Variants in TXNDC16 observed in about 807,000 individuals in gnomAD.
TXNDC16 encodes thioredoxin domain containing 16, also known as thioredoxin domain-containing protein 16.
In TXNDC16, 74 loss-of-function variants were observed where a neutral mutation model predicts 85.6. The observed-to-expected ratio is 0.86, with a 90% CI of 0.72 to 1.05. The LOEUF is 1.05. Ranked by LOEUF, TXNDC16 falls within the 50% of genes least tolerant of loss-of-function variation. The pLI is 0.00. For synonymous variants in TXNDC16, 335 were observed against 326.5 expected, an observed-to-expected ratio of 1.03 and a Z score of -0.28; for missense variants, 959 against 947.0, an observed-to-expected ratio of 1.01 and a Z score of -0.17.
At chr14:52,499,811 T>C (rs963597207) in intron 9 of TXNDC16, among the ~76,000 whole-genome samples, 18 of 152,106 alleles carry the variant, frequency 1.2e-4, no homozygotes, top group African/African-American at 3.9e-4. Flanking sequence ...AAGTTCTTTA[T>C]ATAAAAGTCA....
chr14:52,462,941 T>A, intron 16 of TXNDC16: 1 of 455,990 alleles, frequency 2.2e-6, no homozygotes, highest in Non-Finnish European at 4.4e-6. Context: ...TCAGATTTCC[T>A]CACAACTTAG....
At chr14:52,533,957 A>T (rs775405270) in intron 6 of TXNDC16, among the ~76,000 whole-genome samples, 5 of 152,128 alleles carry the variant, frequency 3.3e-5, no homozygotes, top group African/African-American at 4.8e-5. Flanking sequence ...GGATTAGGAG[A>T]GGAATAGGCC....
intron 9 of TXNDC16, among the ~76,000 whole-genome samples, chr14:52,502,433 C>A (rs998438290): frequency 6.6e-6 from 1 of 152,200 alleles, no homozygotes; most frequent in Non-Finnish European, 1.5e-5. Context: ...TTTTATAAAA[C>A]GTGTATTTCA....
chr14:52,486,054 A>T (rs1313656973), intron 12 of TXNDC16, among the ~76,000 whole-genome samples: 2 of 152,130 alleles, frequency 1.3e-5, no homozygotes, highest in East Asian at 3.9e-4. Flanking sequence ...TAAAAATTAC[A>T]TTCTCAATAC....
chr14:52,537,590 A>G lies in TXNDC16; in HGVS notation c.317+9T>C. On this transcript the variant is annotated intron_variant, in intron 5 of 20. Transcript: ENST00000281741. Reference sequence around the variant, plus strand: ...GTATTTGTCCAGCACACTCAGGAAAATAGCTTACTTGAATAAATATGCTTT... The same window carrying G: ...GTATTTGTCCAGCACACTCAGGAAAGTAGCTTACTTGAATAAATATGCTTT... 1 of 1,562,464 alleles carries G rather than the reference A, an allele frequency of 6.4e-7. No individual in the cohort carries two copies.
chr14:52,497,597 G>A (rs1451112696), intron 9 of TXNDC16, among the ~76,000 whole-genome samples: 4 of 152,110 alleles, frequency 2.6e-5, no homozygotes, highest in African/African-American at 9.7e-5. Flanking sequence ...CTACCAAACT[G>A]GGCTGGGAGC....
chr14:52,464,616 T>G (rs1041543580), intron 16 of TXNDC16, among the ~76,000 whole-genome samples: 1 of 151,378 alleles, frequency 6.6e-6, no homozygotes, highest in Admixed American at 6.6e-5. Context: ...TCATAAAAAT[T>G]TTTTTTTTCA....
Position 52,488,344 on chromosome 14 carries a change from G to A in TXNDC16, c.1108+19C>T. On this transcript the variant is annotated intron_variant, in intron 12 of 20. Coordinates refer to ENST00000281741, the MANE Select transcript of TXNDC16 (RefSeq NM_020784.3). ...GTGCTGGGCAGGATGGGGAAGGGGT[G>A]AGAATCATAACACATTACCTATATC... The A allele has an allele frequency of 6.2e-7, 1 of 1,611,008 alleles. No homozygotes were observed. The highest frequency in any genetic ancestry group is 8.5e-7 in the Non-Finnish European group (1 of 1,178,482).
At chr14:52,487,749 T>C (rs942336005) in intron 12 of TXNDC16, among the ~76,000 whole-genome samples, 3 of 152,178 alleles carry the variant, frequency 2.0e-5, no homozygotes, top group Admixed American at 6.5e-5. Flanking sequence ...ATCACTGAAC[T>C]CAGGAAATGC....
chr14:52,502,565 T>C (rs2140169770), intron 9 of TXNDC16, among the ~76,000 whole-genome samples: 1 of 152,332 alleles, frequency 6.6e-6, no homozygotes, highest in African/African-American at 2.4e-5. Flanking sequence ...CTTTGGTTTT[T>C]TAATTTCAAA....
At chr14:52,523,764 TTAC>T (rs1297083329) in intron 6 of TXNDC16, among the ~76,000 whole-genome samples, 3 of 152,190 alleles carry the variant, frequency 2.0e-5, no homozygotes, top group Admixed American at 6.5e-5. Flanking sequence ...TATAAAATTC[TTAC>T]TACTAGAAAT....
At chr14:52,524,938 T>C (rs2037293382) in intron 6 of TXNDC16, among the ~76,000 whole-genome samples, 1 of 151,740 alleles carries the variant, frequency 6.6e-6, no homozygotes, top group African/African-American at 2.4e-5. Context: ...CTGGCCAACA[T>C]GGTAAAACCC....
At chr14:52,432,844 GA>G (rs993456531) in intron 20 of TXNDC16, among the ~76,000 whole-genome samples, 1 of 151,924 alleles carries the variant, frequency 6.6e-6, no homozygotes, top group African/African-American at 2.4e-5. Flanking sequence ...ATGAATAGGG[GA>G]AAAAAGGTCC....
chr14:52,440,827 G>T, intron 18 of TXNDC16, 103 bp from the exon 19 acceptor site: 1 of 1,086,280 alleles, frequency 9.2e-7, no homozygotes, highest in African/African-American at 1.6e-5. Flanking sequence ...TTTGTAAAAT[G>T]TAATTCAAAC....
intron 18 of TXNDC16, 86 bp downstream of exon 18, chr14:52,455,238 A>C: frequency 6.6e-7 from 1 of 1,522,920 alleles, no homozygotes; most frequent in South Asian, 1.3e-5. Context: ...ACCAGCAAAA[A>C]ATGGAAAAAT....
At chr14:52,504,295 A>G (rs184784772) in intron 9 of TXNDC16, among the ~76,000 whole-genome samples, 15 of 152,350 alleles carry the variant, frequency 9.8e-5, no homozygotes, top group African/African-American at 3.1e-4. Context: ...GAAATGAAGG[A>G]AAAAATGTTA....
rs2034909260 is a variant in TXNDC16 at position 52,432,027 on chromosome 14, A to G, written c.*277T>C. ...ATGTACTGCATTTAGAAGACTTGGT[A>G]CAAAAAAGGATGTAAAATATCTCAT... On this transcript the variant is annotated 3_prime_UTR_variant, in exon 21 of 21. Transcript: ENST00000281741. 3.6e-6 allele frequency: 1 copy of G among 274,780 alleles called. No homozygotes were observed. The allele number at this position is 274,780 out of a possible 1,614,324, so 17.0% of individuals were successfully genotyped here. A position where few individuals can be genotyped will look rare whatever the true frequency, so the allele number is the denominator to read the frequency against.
chr14:52,523,408 T>C (rs186539955), intron 6 of TXNDC16, among the ~76,000 whole-genome samples: 2 of 152,304 alleles, frequency 1.3e-5, no homozygotes, highest in Admixed American at 1.3e-4. Flanking sequence ...CAATCTTTTC[T>C]GAGATACAGA....
chr14:52,483,757 C>A (rs2036202505), intron 12 of TXNDC16, among the ~76,000 whole-genome samples: 1 of 152,150 alleles, frequency 6.6e-6, no homozygotes, highest in Non-Finnish European at 1.5e-5. Context: ...ATAGATTCAT[C>A]CATCCATCCA....
Sources: allele counts gnomAD v4.1 joint callset (sites outside exome capture counted in the v4.1 genomes callset), GRCh38; gene constraint gnomAD v4.1.1; transcripts MANE v1.5; gene names NCBI Gene and HGNC (gene_info 2026-07-23, HGNC 2026-07-21).